The following PUDP variants were observed in gnomAD, a reference collection of about 807,000 sequenced individuals.
PUDP encodes the protein pseudouridine-5'-phosphatase.
In PUDP, 8 loss-of-function variants were observed where a neutral mutation model predicts 9.4. The observed-to-expected ratio is 0.85, with a 90% CI of 0.50 to 1.53. The LOEUF is 1.53. PUDP is among the 40% of genes most tolerant of loss of function. PUDP has a pLI of 0.00. For synonymous variants in PUDP, 99 were observed against 80.7 expected (o/e 1.23, Z -1.22); for missense variants, 188 against 189.7 (o/e 0.99, Z 0.05).
chrX:6,841,134 G>T (rs912767195), intron 3 of PUDP, among the ~76,000 whole-genome samples: 8 of 109,591 alleles, frequency 7.3e-5, no homozygotes, highest in Non-Finnish European at 1.3e-4. Context: ...AAAATTAGCT[G>T]GACATGGCGG....
At position 7,138,653 on chromosome X, in the gene PUDP, G is replaced by GT. The variant is rs770688695; in HGVS notation, c.61+9399dup. On this transcript the variant is annotated intron_variant, in intron 1 of 3. Coordinates refer to ENST00000381077, the MANE Select transcript of PUDP (RefSeq NM_012080.5). ...CTCCCAAAGTGCTGGGATGATAGGC[G>GT]TGAACCACTGTCCCCAGCCCCAGTC... 1.4e-3 allele frequency among the ~76,000 whole-genome samples: 154 copies of GT among 111,538 alleles called. 2 individuals carry two copies. Among genetic ancestry groups the GT allele is most frequent in the Non-Finnish European group, 2.6e-3 (139 of 53,109 alleles).
intron 1 of PUDP, among the ~76,000 whole-genome samples, chrX:6,994,285 C>T (rs1175483854): frequency 9.0e-6 from 1 of 110,704 alleles, no homozygotes; most frequent in African/African-American, 3.3e-5. Context: ...TAGTGGCATG[C>T]ATCTGTAGTC....
intron 1 of PUDP, among the ~76,000 whole-genome samples, chrX:7,021,458 C>G (rs1929632675): frequency 9.0e-6 from 1 of 111,694 alleles, no homozygotes; most frequent in African/African-American, 3.3e-5. Flanking sequence ...ATTGCCATCC[C>G]AATTACTCAA....
intron 3 of PUDP, among the ~76,000 whole-genome samples, chrX:6,880,769 T>A (rs1290639806): frequency 8.9e-6 from 1 of 112,040 alleles, no homozygotes; most frequent in Non-Finnish European, 1.9e-5. Context: ...GTGTTATTTC[T>A]TACTGTCAGA....
chrX:6,817,057 T>C (rs1466843420), intron 3 of PUDP, among the ~76,000 whole-genome samples: 2 of 101,844 alleles, frequency 2.0e-5, no homozygotes, highest in Non-Finnish European at 3.9e-5. Context: ...ATATACACTA[T>C]ATAGTATATA....
intron 1 of PUDP, among the ~76,000 whole-genome samples, chrX:6,992,137 G>T (rs1437236595): frequency 9.0e-6 from 1 of 110,835 alleles, no homozygotes; most frequent in East Asian, 2.8e-4. Context: ...GCTTGAAAGC[G>T]ATGCTATAAA....
At chrX:6,725,480 T>C (rs1349349452), upstream of PUDP, among the ~76,000 whole-genome samples, 1 of 111,803 alleles carries the variant, frequency 8.9e-6, no homozygotes, top group African/African-American at 3.2e-5. Context: ...TAAATGAGAA[T>C]ATGTGGGATT....
At chrX:6,751,262 G>A (rs1046250160) in intron 3 of PUDP, among the ~76,000 whole-genome samples, 1 of 112,072 alleles carries the variant, frequency 8.9e-6, no homozygotes, top group African/African-American at 3.2e-5. Flanking sequence ...AGAATACTAC[G>A]TTCTTTATAT....
chrX:6,987,654 T>G (rs1174013919), intron 1 of PUDP, among the ~76,000 whole-genome samples: 1 of 112,287 alleles, frequency 8.9e-6, no homozygotes, highest in Non-Finnish European at 1.9e-5. Flanking sequence ...ATAAATACAG[T>G]TTTATTAAAA....
rs759738966 is a variant in PUDP at position 6,938,550 on chromosome X, G to C, written c.*247+38583C>G. 9.9e-3 allele frequency among the ~76,000 whole-genome samples: 951 copies of C among 95,853 alleles called. 58 individuals are homozygous for C. In the Admixed American group the frequency reaches 0.1, roughly 10 times the overall value. The allele number at this position is 95,853 out of a possible 115,157, so 83.2% of individuals were successfully genotyped here. ...CTAATGCTAGATGACGAGTTAGTGG[G>C]TGCAGCACACCAGCATGGCACATGT... On this transcript the variant is annotated intron_variant and NMD_transcript_variant, in intron 3 of 3. Coordinates refer to the PUDP transcript ENST00000655425.
At chrX:6,759,767 CAA>C (rs1925208198) in intron 3 of PUDP, among the ~76,000 whole-genome samples, 4 of 111,870 alleles carry the variant, frequency 3.6e-5, no homozygotes, top group Non-Finnish European at 7.5e-5. Context: ...GATGAATATG[CAA>C]CATACTCTCA....
intron 3 of PUDP, among the ~76,000 whole-genome samples, chrX:6,744,865 A>G (rs1388303775): frequency 8.9e-6 from 1 of 112,160 alleles, no homozygotes; most frequent in Admixed American, 9.5e-5. Flanking sequence ...GGAAGCAACA[A>G]TAATAAAAAC....
intron 3 of PUDP, chrX:7,057,777 C>T: frequency 8.7e-7 from 1 of 1,154,837 alleles, no homozygotes; most frequent in Non-Finnish European, 1.1e-6. Flanking sequence ...ATCCCGGCAG[C>T]CCTGGCATTT....
chrX:6,875,069 ATTTTG>A (rs1927232349), intron 3 of PUDP, among the ~76,000 whole-genome samples: 1 of 111,377 alleles, frequency 9.0e-6, no homozygotes, highest in Non-Finnish European at 1.9e-5. Context: ...CTTTAAATTT[ATTTTG>A]TTTTATTTTG....
chrX:7,138,212 C>T (rs1466820198), intron 1 of PUDP, among the ~76,000 whole-genome samples: 2 of 111,186 alleles, frequency 1.8e-5, no homozygotes, highest in African/African-American at 3.3e-5. Context: ...GCTGGTGTCT[C>T]GATAACCATC....
At chrX:7,058,275 G>T (rs1411242396) in intron 3 of PUDP, among the ~76,000 whole-genome samples, 1 of 112,232 alleles carries the variant, frequency 8.9e-6, no homozygotes, top group Non-Finnish European at 1.9e-5. Context: ...CATCTCTAAG[G>T]AATAAAGCTT....
At chrX:6,832,899 C>G (rs938949716) in intron 3 of PUDP, among the ~76,000 whole-genome samples, 3 of 110,838 alleles carry the variant, frequency 2.7e-5, no homozygotes, top group Non-Finnish European at 5.7e-5. Flanking sequence ...TAGCACAAAC[C>G]GGAGCTGAAT....
rs186215619 is a variant in PUDP, at chrX:7,078,542, C to T, written c.281-1093G>A. ...TCCTGACCTCAGGTGATTCGCCTGC[C>T]TCAGCCTCTCAAAGTACTGGGATTA... On this transcript the variant is annotated intron_variant, in intron 2 of 3. Transcript: ENST00000381077. 3.1e-3 allele frequency among the ~76,000 whole-genome samples: 352 copies of T among 112,179 alleles called. 4 individuals carry two copies. Among genetic ancestry groups the T allele is most frequent in the Admixed American group, 0.029 (312 of 10,623 alleles).
chrX:6,858,944 T>C (rs1352745911), intron 3 of PUDP, among the ~76,000 whole-genome samples: 1 of 112,034 alleles, frequency 8.9e-6, no homozygotes, highest in East Asian at 2.8e-4. Context: ...CCATATCTCA[T>C]CATGAATTGT....
Sources: gnomAD v4.1 joint callset for allele counts (sites outside exome capture counted in the v4.1 genomes callset) on GRCh38, gnomAD v4.1.1 for gene constraint, MANE v1.5 for transcripts, NCBI Gene and HGNC (gene_info 2026-07-23, HGNC 2026-07-21) for gene names.